The following DCAF12 variants were observed in gnomAD, a reference collection of about 807,000 sequenced individuals.
DCAF12 encodes the protein DDB1 and CUL4 associated factor 12, also known as DDB1- and CUL4-associated factor 12.
Under a neutral mutation model 52.8 loss-of-function variants are expected in DCAF12, and 28 were observed. That is an observed-to-expected ratio of 0.53 (90% CI 0.39 to 0.73). DCAF12 has a LOEUF of 0.73. Ranked by LOEUF, DCAF12 falls within the 30% of genes least tolerant of loss-of-function variation. The pLI is 0.00. For synonymous variants in DCAF12, 196 were observed against 215.5 expected, an observed-to-expected ratio of 0.91 and a Z score of 0.79; for missense variants, 425 against 552.2, an observed-to-expected ratio of 0.77 and a Z score of 2.31.
chr9:34,091,189 T>C (rs1828638271), intron 7 of DCAF12, among the ~76,000 whole-genome samples: 1 of 151,680 alleles, frequency 6.6e-6, no homozygotes, highest in Non-Finnish European at 1.5e-5. Flanking sequence ...TAGCTGGGCA[T>C]GGTGGTACGC....
chr9:34,124,768 A>C (rs1175061748), intron 2 of DCAF12, among the ~76,000 whole-genome samples: 1 of 152,152 alleles, frequency 6.6e-6, no homozygotes, highest in African/African-American at 2.4e-5. Flanking sequence ...AAACAAACAA[A>C]CAACCCTCTA....
chr9:34,108,960 T>A (rs1239894800), intron 2 of DCAF12, among the ~76,000 whole-genome samples: 1 of 146,238 alleles, frequency 6.8e-6, no homozygotes, highest in Non-Finnish European at 1.5e-5. Flanking sequence ...AACAAATACA[T>A]ATATGTATTT....
chr9:34,118,973 A>AAATAAT (rs143135409), intron 2 of DCAF12, among the ~76,000 whole-genome samples: 1 of 151,966 alleles, frequency 6.6e-6, no homozygotes, highest in African/African-American at 2.4e-5. Flanking sequence ...TCAAAAAAGA[A>AAATAAT]AATAATAATA....
chr9:34,105,146 A>C (rs1828885038), intron 4 of DCAF12, among the ~76,000 whole-genome samples: 1 of 152,102 alleles, frequency 6.6e-6, no homozygotes, highest in Admixed American at 6.6e-5. Context: ...CCAGCTACTC[A>C]GGAGGCTGAA....
intron 2 of DCAF12, among the ~76,000 whole-genome samples, chr9:34,119,235 T>G (rs1829135181): frequency 6.6e-6 from 1 of 152,206 alleles, no homozygotes; most frequent in African/African-American, 2.4e-5. Flanking sequence ...AACGCAAGGT[T>G]CATCTAGCTG....
At chr9:34,118,222 C>T (rs2131442375) in intron 2 of DCAF12, among the ~76,000 whole-genome samples, 1 of 152,214 alleles carries the variant, frequency 6.6e-6, no homozygotes, top group East Asian at 1.9e-4. Context: ...CAACCTCTGC[C>T]TCCCGGGTTC....
At position 34,110,469 on chromosome 9, in the gene DCAF12, C is replaced by T. The variant is rs563698057; in HGVS notation, c.334-2904G>A. ...GTCTTTGTGCCTTCAGGCAACACCG[C>T]TATCAAAATTATTCTATTATAAGCA... On this transcript the variant is annotated intron_variant, in intron 2 of 8. Coordinates refer to ENST00000361264, the MANE Select transcript of DCAF12 (RefSeq NM_015397.4). 1.5e-4 allele frequency among the ~76,000 whole-genome samples: 23 copies of T among 152,138 alleles called. No individual in the cohort carries two copies. In the South Asian group the frequency reaches 4.1e-3, roughly 27 times the overall value.
chr9:34,115,640 G>T (rs992268435), intron 2 of DCAF12, among the ~76,000 whole-genome samples: 1 of 150,794 alleles, frequency 6.6e-6, no homozygotes, highest in South Asian at 2.1e-4. Flanking sequence ...GGACCCTATA[G>T]TCTCTGCAGT....
rs1828921161 is a variant in DCAF12 at position 34,107,415 on chromosome 9, G to A, written c.484C>T (p.Pro162Ser). ...RTLLATGGDN[P>S]NSLAIYRLPT... The stretch of plus-strand genomic sequence containing the variant: ...AGTCGATAGATGGCAAGACTGTTGG[G>A]GTTGTCTCCTCCAGTGGCTAGCAGT... Residue 162 changes from proline (P) to serine (S), a missense_variant, in exon 3 of 9, where the codon CCC becomes TCC. By Grantham distance (74) the Pro-to-Ser change is moderately conservative. Coordinates refer to ENST00000361264, the MANE Select transcript of DCAF12 (RefSeq NM_015397.4). 6.2e-7 allele frequency: 1 copy of A among 1,614,120 alleles called. No homozygotes were observed. Among genetic ancestry groups the A allele is most frequent in the East Asian group, 2.2e-5 (1 of 44,876 alleles).
In DCAF12 at chr9:34,089,459, T is replaced by C. The variant is rs771426594; in HGVS notation, c.1156A>G (p.Arg386Gly). 1.2e-6 allele frequency: 2 copies of C among 1,614,106 alleles called. No individual in the cohort carries two copies. Among genetic ancestry groups the C allele is most frequent in the South Asian group, 2.2e-5 (2 of 91,088 alleles). Residue 386 changes from arginine to glycine, a missense_variant, in exon 8 of 9, where the codon AGA becomes GGA. Arg to Gly is a moderately radical substitution (Grantham distance 125). Around this residue, in one of 3 missense-constraint regions of DCAF12, gnomAD observed 328 missense variants for 444.4 expected, o/e 0.74. Transcript: ENST00000361264. Reference protein sequence around the residue: ...RLSACYGSKPRLAGENLKLTT... With the variant: ...RLSACYGSKPGLAGENLKLTT... ...AGTTTCAGATTCTCCCCTGCTAGTC[T>C]GGGCTTGGACCCATAACAAGCTGAG...
chr9:34,113,160 C>T (rs1188125827), intron 2 of DCAF12, among the ~76,000 whole-genome samples: 1 of 152,154 alleles, frequency 6.6e-6, no homozygotes, highest in East Asian at 1.9e-4. Context: ...AAGCAATTCT[C>T]CTGCCTCAGC....
intron 4 of DCAF12, among the ~76,000 whole-genome samples, chr9:34,100,831 G>A (rs544480493): frequency 6.6e-6 from 1 of 151,498 alleles, no homozygotes; most frequent in South Asian, 2.1e-4. Context: ...TAGAGATGGA[G>A]TCTCGATTTG....
chr9:34,100,773 T>G (rs993429229), intron 4 of DCAF12, among the ~76,000 whole-genome samples: 1 of 151,910 alleles, frequency 6.6e-6, no homozygotes, highest in Non-Finnish European at 1.5e-5. Flanking sequence ...GTGCTGGGAT[T>G]ACAGGTATGA....
Position 34,106,461 on chromosome 9 carries a change from A to T in DCAF12, c.574T>A (p.Trp192Arg). Residue 192 changes from tryptophan to arginine, a missense_variant, in exon 4 of 9, where the codon TGG becomes AGG. By Grantham distance (101) the Trp-to-Arg change is moderately radical (BLOSUM62 -3). Coordinates refer to ENST00000361264, the MANE Select transcript of DCAF12 (RefSeq NM_015397.4). ...GHKDWIFSIA[W>R]ISDTMAVSGS... ...GACACTGCCATAGTGTCGCTGATCC[A>T]TGCGATGGAAAAGATCCAGTCCTTG... is the stretch of plus-strand genomic sequence containing the variant. The T allele has an allele frequency of 1.9e-6, 3 of 1,611,096 alleles. 1 individual carries two copies. The highest frequency in any genetic ancestry group is 2.5e-6 in the Non-Finnish European group (3 of 1,178,248).
intron 2 of DCAF12, among the ~76,000 whole-genome samples, chr9:34,123,614 A>G (rs187143124): frequency 1.1e-4 from 16 of 152,312 alleles, no homozygotes; most frequent in African/African-American, 3.8e-4. Flanking sequence ...GAAGACAGAA[A>G]GAGGTAGGAA....
intron 7 of DCAF12, 91 bp from the exon 8 acceptor site, chr9:34,089,681 A>G (rs1828614624): frequency 7.7e-6 from 10 of 1,296,722 alleles, no homozygotes; most frequent in South Asian, 6.0e-5. Context: ...TGAGTTTTCA[A>G]CGTCCACCCT....
chr9:34,094,643 G>A (rs1828704317), intron 6 of DCAF12, among the ~76,000 whole-genome samples: 1 of 149,720 alleles, frequency 6.7e-6, no homozygotes, highest in East Asian at 2.0e-4. Flanking sequence ...CCATTCTCCT[G>A]CCTCAGCTTC....
chr9:34,111,458 CTTAT>C (rs1829002361), intron 2 of DCAF12, among the ~76,000 whole-genome samples: 2 of 152,204 alleles, frequency 1.3e-5, no homozygotes, highest in Non-Finnish European at 2.9e-5. Flanking sequence ...AAAATATTTA[CTTAT>C]TTGTCTTCCT....
At position 34,126,576 on chromosome 9, in the gene DCAF12, GA is replaced by G; in HGVS notation, c.-146del. 3 of 844,762 alleles carry G rather than the reference GA, an allele frequency of 3.6e-6. No individual in the cohort carries two copies. Among genetic ancestry groups the G allele is most frequent in the East Asian group, 2.8e-5 (1 of 35,842 alleles). The allele number at this position is 844,762 out of a possible 1,614,324, so 52.3% of individuals were successfully genotyped here. ...ATGGCCCGGACCCGGAGCGGCAGCA[GA>G]AAAAAGATAGGCGGAAAGAAAGGAA... On this transcript the variant is annotated 5_prime_UTR_variant, in exon 1 of 9. Coordinates refer to ENST00000361264, the MANE Select transcript of DCAF12 (RefSeq NM_015397.4).
Sources: gnomAD v4.1 joint callset for allele counts (sites outside exome capture counted in the v4.1 genomes callset) on GRCh38, gnomAD v4.1.1 for gene constraint, gnomAD v4.1.1 regional missense constraint, MANE v1.5 for transcripts, NCBI Gene and HGNC (gene_info 2026-07-23, HGNC 2026-07-21) for gene names.